TCERG1L: variants seen among roughly 807,000 people sequenced by gnomAD.
TCERG1L encodes transcription elongation regulator 1-like protein.
Under a neutral mutation model 56.3 loss-of-function variants are expected in TCERG1L, and 37 were observed. That is an observed-to-expected ratio of 0.66 (90% CI 0.51 to 0.87). The LOEUF is 0.87. Among genes scored for constraint, TCERG1L ranks in the 40% least tolerant of loss-of-function variants. The probability of loss-of-function intolerance (pLI) is 0.00; values close to 1 mark genes in which losing one functional copy is unlikely to be tolerated. For synonymous variants in TCERG1L, 324 were observed against 326.3 expected, an observed-to-expected ratio of 0.99 and a Z score of 0.08; for missense variants, 799 against 774.2, an observed-to-expected ratio of 1.03 and a Z score of -0.38.
intron 9 of TCERG1L, among the ~76,000 whole-genome samples, chr10:131,105,033 T>C (rs920093619): frequency 1.3e-5 from 2 of 152,236 alleles, no homozygotes; most frequent in African/African-American, 4.8e-5. Flanking sequence ...TTCGCTGCCA[T>C]ATCTCCTTGG....
chr10:131,235,791 C>A (rs981162421), intron 4 of TCERG1L, among the ~76,000 whole-genome samples: 1 of 152,230 alleles, frequency 6.6e-6, no homozygotes, highest in Admixed American at 6.5e-5. Context: ...GTGAAGCCAG[C>A]ACCAGCAGGG....
At chr10:131,160,455 G>A (rs570563936) in intron 6 of TCERG1L, among the ~76,000 whole-genome samples, 53 of 152,048 alleles carry the variant, frequency 3.5e-4, no homozygotes, top group Non-Finnish European at 6.6e-4. Flanking sequence ...CCTACACCCC[G>A]CCACTCCCTC....
chr10:131,300,304 A>C (rs1249091651), intron 3 of TCERG1L, among the ~76,000 whole-genome samples: 1 of 152,086 alleles, frequency 6.6e-6, no homozygotes, highest in Non-Finnish European at 1.5e-5. Context: ...TCCTTTGTTC[A>C]TTACGTCTTC....
chr10:131,207,279 G>T (rs1307422856), intron 4 of TCERG1L, among the ~76,000 whole-genome samples: 1 of 152,100 alleles, frequency 6.6e-6, no homozygotes, highest in East Asian at 1.9e-4. Context: ...GAGGTCACAG[G>T]AGCTTTCCAA....
chr10:131,260,269 G>C lies in TCERG1L; in HGVS notation c.846C>G (p.Ser282=). ...GCGCTCCGAGCCTACCTGAGACGGG[G>C]GACGTCCGGAGGGGTATTTTGATGG... ...LAPIKIPLRT[S]PVSDTRTERG... The change falls in exon 4 of 12, where the codon TCC becomes TCG. Residue 282 remains serine, a synonymous_variant. Transcript: ENST00000368642. This position sits in a 1 kb window ranked among gnomAD's most constrained non-coding sequence, Gnocchi z 5.8. The C allele has an allele frequency of 7.3e-7, 1 of 1,366,640 alleles. No homozygotes were observed. 84.7% of individuals were successfully genotyped at this position (1,366,640 alleles called of 1,614,324 possible).
At chr10:131,307,397 A>G (rs562243603) in intron 3 of TCERG1L, among the ~76,000 whole-genome samples, 7 of 152,336 alleles carry the variant, frequency 4.6e-5, no homozygotes, top group South Asian at 4.1e-4. Flanking sequence ...CATTATTCAC[A>G]AGAACATCTT....
intron 6 of TCERG1L, among the ~76,000 whole-genome samples, chr10:131,148,421 C>T (rs112950171): frequency 0.069 from 6,935 of 100,514 alleles, 187 homozygotes; most frequent in Middle Eastern, 0.21. Context: ...CACACATGCA[C>T]ACAGAGACAC....
chr10:131,113,597 T>C (rs572634734), intron 9 of TCERG1L, among the ~76,000 whole-genome samples: 1 of 142,190 alleles, frequency 7.0e-6, no homozygotes, highest in South Asian at 2.6e-4. Context: ...GCAGGAACCC[T>C]GCTCTGTGAA....
At chr10:131,303,876 T>C (rs1846793607) in intron 3 of TCERG1L, among the ~76,000 whole-genome samples, 1 of 152,138 alleles carries the variant, frequency 6.6e-6, no homozygotes, top group African/African-American at 2.4e-5. Context: ...CTATTTTCTT[T>C]TATCTATTAA....
rs199911619 is a variant in TCERG1L at position 131,116,863 on chromosome 10, G to A, written c.1331C>T (p.Pro444Leu). Residue 444 changes from proline (P) to leucine (L), a missense_variant, in exon 9 of 12, where the codon CCG becomes CTG. Coordinates refer to ENST00000368642, the MANE Select transcript of TCERG1L (RefSeq NM_174937.4). Reference protein sequence around the residue: ...REDKGTRTPPPQILLPLEERV... With the variant: ...REDKGTRTPPLQILLPLEERV... ...CTCCTCCAGAGGCAGGAGGATCTGC[G>A]GGGGCGGCGTCCTTGTGCCTTTGTC... 92 of 1,589,988 alleles carry A rather than the reference G, an allele frequency of 5.8e-5. 1 individual carries two copies. The highest frequency in any genetic ancestry group is 2.1e-4 in the Admixed American group (12 of 56,326).
intron 8 of TCERG1L, among the ~76,000 whole-genome samples, chr10:131,124,119 T>A (rs2133395595): frequency 6.6e-6 from 1 of 152,240 alleles, no homozygotes; most frequent in East Asian, 1.9e-4. Flanking sequence ...TGCTACAAGA[T>A]GATGCACATC....
rs745908436 is a variant in TCERG1L at position 131,309,277 on chromosome 10, G to A, written c.365C>T (p.Pro122Leu). 2.3e-5 allele frequency: 36 copies of A among 1,596,654 alleles called. No homozygotes were observed. Among genetic ancestry groups the A allele is most frequent in the South Asian group, 5.6e-5 (5 of 88,738 alleles). Residue 122 changes from proline (P) to leucine (L), a missense_variant, in exon 2 of 12, where the codon CCG (proline) becomes CTG (leucine). Pro to Leu is a moderately conservative substitution (Grantham distance 98). Transcript: ENST00000368642. Reference sequence around the variant, plus strand: ...GGAAGAGGGGGGCAGTCCTAGGGACGGAGAATGGCCACCAAACAGCCACTG... The same window carrying A: ...GGAAGAGGGGGGCAGTCCTAGGGACAGAGAATGGCCACCAAACAGCCACTG... The part of the protein sequence containing the change: ...HGQWLFGGHS[P>L]SLGLPPSSTV...
At chr10:131,272,002 G>A (rs1426722476) in intron 3 of TCERG1L, among the ~76,000 whole-genome samples, 1 of 152,248 alleles carries the variant, frequency 6.6e-6, no homozygotes, top group African/African-American at 2.4e-5. Flanking sequence ...CCAGGACAGT[G>A]ACTTCAGGCA....
intron 3 of TCERG1L, among the ~76,000 whole-genome samples, chr10:131,306,937 A>T (rs1846823647): frequency 6.6e-6 from 1 of 152,228 alleles, no homozygotes; most frequent in South Asian, 2.1e-4. Flanking sequence ...AGGGAAGTTC[A>T]CATAAAGACT....
intron 9 of TCERG1L, among the ~76,000 whole-genome samples, chr10:131,109,617 C>T (rs897350886): frequency 6.6e-6 from 1 of 152,210 alleles, no homozygotes; most frequent in Admixed American, 6.5e-5. Context: ...CCTCACTGCA[C>T]ATTCTCATCT....
At chr10:131,183,589 C>T (rs1845204158) in intron 4 of TCERG1L, among the ~76,000 whole-genome samples, 1 of 152,170 alleles carries the variant, frequency 6.6e-6, no homozygotes, top group Non-Finnish European at 1.5e-5. Context: ...TCTCAGTTTT[C>T]AGGAATTCTC....
At chr10:131,114,850 T>TG (rs1262316524) in intron 9 of TCERG1L, among the ~76,000 whole-genome samples, 1 of 152,246 alleles carries the variant, frequency 6.6e-6, no homozygotes, top group Non-Finnish European at 1.5e-5. Context: ...ATGTTCACGA[T>TG]GCCATCATGT....
At chr10:131,122,302 GT>G (rs964281641) in intron 8 of TCERG1L, among the ~76,000 whole-genome samples, 1 of 152,184 alleles carries the variant, frequency 6.6e-6, no homozygotes, top group Non-Finnish European at 1.5e-5. Context: ...TGGGTTCTTA[GT>G]TTCAAGGAAG....
At chr10:131,308,485 T>C (rs1589780001) in intron 2 of TCERG1L, 94 bp from the exon 3 acceptor site, 1 of 1,055,486 alleles carries the variant, frequency 9.5e-7, no homozygotes, top group East Asian at 2.4e-5. Context: ...CTTACGTTGA[T>C]CCAACATTGA....
Sources: gnomAD v4.1 joint callset for allele counts (sites outside exome capture counted in the v4.1 genomes callset) on GRCh38, gnomAD v4.1.1 for gene constraint, Gnocchi (gnomAD v3.1) non-coding constraint, MANE v1.5 for transcripts, NCBI Gene and HGNC (gene_info 2026-07-23, HGNC 2026-07-21) for gene names.